The following MAP2K2 variants were observed in gnomAD, a reference collection of about 807,000 sequenced individuals.
The protein encoded by MAP2K2 is dual specificity mitogen-activated protein kinase kinase 2.
In MAP2K2, 24 loss-of-function variants were observed where a neutral mutation model predicts 43.7. The ratio of observed to expected loss-of-function variants is 0.55; its 90% CI spans 0.40 to 0.77. The LOEUF is 0.77. Among genes scored for constraint, MAP2K2 ranks in the 30% least tolerant of loss-of-function variants. The probability of loss-of-function intolerance (pLI) is 0.00; values close to 1 mark genes in which losing one functional copy is unlikely to be tolerated. For synonymous variants in MAP2K2, 244 were observed against 239.7 expected, an observed-to-expected ratio of 1.02 and a Z score of -0.17; for missense variants, 470 against 566.8, an observed-to-expected ratio of 0.83 and a Z score of 1.73.
chr19:4,102,873 G>A, intron 3 of MAP2K2: 1 of 1,179,080 alleles, frequency 8.5e-7, no homozygotes, highest in South Asian at 1.7e-5. Flanking sequence ...CAGCGTCTTG[G>A]GCCTGCGTCC....
At chr19:4,123,714 C>A in intron 1 of MAP2K2, 70 bp downstream of exon 1, 3 of 1,225,166 alleles carry the variant, frequency 2.4e-6, no homozygotes, top group Admixed American at 2.3e-5. Flanking sequence ...CCCGTCCCCT[C>A]GCCCCGTCCT....
chr19:4,099,358 GC>G lies in MAP2K2; in HGVS notation c.761del (p.Gly254AlafsTer73). 6.2e-7 allele frequency: 1 copy of G among 1,611,768 alleles called. No individual in the cohort carries two copies. Among genetic ancestry groups the G allele is most frequent in the East Asian group, 2.2e-5 (1 of 44,808 alleles). Reference sequence around the variant, plus strand: ...CGACGGCCAGCTCCACCAGGGACAGGCCCATGCTCCAGATGTCCGACTGCAC... The same window carrying G: ...CGACGGCCAGCTCCACCAGGGACAGGCCATGCTCCAGATGTCCGACTGCAC... ...YSVQSDIWSM[G>X]LSLVELAVGR... On this transcript the variant is annotated frameshift_variant, in exon 7 of 11. Transcript: ENST00000262948. LOFTEE classifies it high-confidence loss of function.
At chr19:4,096,217 G>A (rs2040915602) in intron 8 of MAP2K2, among the ~76,000 whole-genome samples, 2 of 152,212 alleles carry the variant, frequency 1.3e-5, no homozygotes, top group Non-Finnish European at 2.9e-5. Flanking sequence ...AAGAGGCGGG[G>A]GAGAGGTCGG....
At chr19:4,116,468 T>C (rs1185258683) in intron 2 of MAP2K2, among the ~76,000 whole-genome samples, 1 of 151,462 alleles carries the variant, frequency 6.6e-6, no homozygotes, top group Non-Finnish European at 1.5e-5. Flanking sequence ...AGGTAGAGGT[T>C]GCAGTGAGCC....
intron 8 of MAP2K2, among the ~76,000 whole-genome samples, chr19:4,096,139 G>A (rs960994086): frequency 2.6e-5 from 4 of 152,210 alleles, no homozygotes; most frequent in East Asian, 1.9e-4. Context: ...TCCCCGGAGC[G>A]GGAGTGGCCG....
chr19:4,094,456 G>C lies in MAP2K2; in HGVS notation c.1089C>G (p.Leu363=). Reference sequence around the variant, plus strand: ...AGAACCCGCTGGCATCACTCACTGTGAGCATCTTCAGGTCCGCCCGCTCCG... The same window carrying C: ...AGAACCCGCTGGCATCACTCACTGTCAGCATCTTCAGGTCCGCCCGCTCCG... The part of the protein sequence containing the change: ...NPAERADLKM[L]TNHTFIKRSE... The change falls in exon 10 of 11, where the codon CTC becomes CTG. Residue 363 remains leucine (L), a synonymous_variant. Transcript: ENST00000262948. 1 of 1,564,110 alleles carries C rather than the reference G, an allele frequency of 6.4e-7. No individual in the cohort carries two copies. The highest frequency in any genetic ancestry group is 8.7e-7 in the Non-Finnish European group (1 of 1,153,516).
chr19:4,110,389 C>T, intron 3 of MAP2K2, 120 bp downstream of exon 3: 2 of 1,218,046 alleles, frequency 1.6e-6, no homozygotes, highest in African/African-American at 1.5e-5. Context: ...TGAGAAGGAT[C>T]CCCTGGAAGC....
Position 4,099,452 on chromosome 19 carries a change from G to A in MAP2K2, c.706-38C>T, listed in dbSNP as rs1371330955. The A allele has an allele frequency of 1.1e-5, 17 of 1,530,830 alleles. No individual in the cohort carries two copies. The East Asian group carries it at 1.2e-4, about 11-fold the overall frequency. 94.8% of individuals were successfully genotyped at this position (1,530,830 alleles called of 1,614,324 possible). ...CAGGGAGGAAAGAGCCCAGAGGGGCGAGGATGGCAGCTGGAACCCGGGAGG... is the reference window on the plus strand; with the variant it reads ...CAGGGAGGAAAGAGCCCAGAGGGGCAAGGATGGCAGCTGGAACCCGGGAGG... On this transcript the variant is annotated intron_variant, in intron 6 of 10. Transcript: ENST00000262948.
At position 4,110,617 on chromosome 19, in the gene MAP2K2, C is replaced by A. The variant is rs1299789389; in HGVS notation, c.342G>T (p.Gln114His). The A allele has an allele frequency of 6.2e-7, 1 of 1,613,706 alleles. No individual in the cohort carries two copies. The highest frequency in any genetic ancestry group is 8.5e-7 in the Non-Finnish European group (1 of 1,180,034). The change falls in exon 3 of 11, where the codon CAG becomes CAT. Residue 114 changes from glutamine (Q) to histidine (H), a missense_variant. By Grantham distance (24) the Gln-to-His change is conservative. Transcript: ENST00000262948. ...HLEIKPAIRN[Q>H]IIRELQVLHE... ...GCAGGACCTGCAGCTCGCGGATGAT[C>A]TGGTTCCGGATGGCCGGCTTGATCT... is the stretch of plus-strand genomic sequence containing the variant.
chr19:4,115,929 C>T lies in MAP2K2; in HGVS notation c.303+1490G>A, dbSNP rs1180504143. On this transcript the variant is annotated intron_variant, in intron 2 of 10. Transcript: ENST00000262948. The surrounding 1 kb of genome is among the most constrained non-coding windows in gnomAD (Gnocchi z 4.1). ...CACTGTCCCCAAGTGGTCACATCCT[C>T]CCTGTATCCCCTGGGCACTATTCTC... is the stretch of plus-strand genomic sequence containing the variant. 6.6e-6 allele frequency among the ~76,000 whole-genome samples: 1 copy of T among 152,200 alleles called. No homozygotes were observed. Among genetic ancestry groups the T allele is most frequent in the Non-Finnish European group, 1.5e-5 (1 of 68,024 alleles).
chr19:4,098,982 GC>G (rs747759118), intron 7 of MAP2K2, among the ~76,000 whole-genome samples: 4 of 152,244 alleles, frequency 2.6e-5, no homozygotes, highest in Non-Finnish European at 5.9e-5. Flanking sequence ...AACAACAGGT[GC>G]AGCTGCCCCG....
At position 4,101,428 on chromosome 19, in the gene MAP2K2, G is replaced by T; in HGVS notation, c.529-148C>A. The stretch of plus-strand genomic sequence containing the variant: ...AGGCTGTGAGGAGCTCGCTGGGGTG[G>T]AGCAAGCGAGGCCAGAGACGAGACA... On this transcript the variant is annotated intron_variant, in intron 4 of 10. Transcript: ENST00000262948. This position sits in a 1 kb window ranked among gnomAD's most constrained non-coding sequence, Gnocchi z 6.3. 1 of 858,594 alleles carries T rather than the reference G, an allele frequency of 1.2e-6. No homozygotes were observed. 53.2% of individuals were successfully genotyped at this position (858,594 alleles called of 1,614,324 possible). A position where few individuals can be genotyped will look rare whatever the true frequency, so the allele number is the denominator to read the frequency against.
intron 3 of MAP2K2, among the ~76,000 whole-genome samples, chr19:4,105,518 C>G (rs371356055): frequency 6.6e-6 from 1 of 152,006 alleles, no homozygotes; most frequent in Non-Finnish European, 1.5e-5. Flanking sequence ...GTGATCCGCC[C>G]GCCTCGGCCT....
intron 3 of MAP2K2, among the ~76,000 whole-genome samples, chr19:4,104,400 A>C (rs952309929): frequency 1.3e-5 from 2 of 151,356 alleles, no homozygotes. Context: ...ACCCCATACC[A>C]AAATCAGCCG....
intron 1 of MAP2K2, among the ~76,000 whole-genome samples, chr19:4,120,832 A>C (rs1391144539): frequency 6.6e-6 from 1 of 152,178 alleles, no homozygotes; most frequent in East Asian, 1.9e-4. Context: ...CCCACACGGA[A>C]GAGAAATGTG....
chr19:4,101,338 C>T lies in MAP2K2; in HGVS notation c.529-58G>A, dbSNP rs1044197673. The T allele has an allele frequency of 1.2e-4, 192 of 1,536,644 alleles. 1 individual carries two copies. Among genetic ancestry groups the T allele is most frequent in the South Asian group, 5.2e-4 (44 of 83,876 alleles). On this transcript the variant is annotated intron_variant, in intron 4 of 10. Transcript: ENST00000262948. This position sits in a 1 kb window ranked among gnomAD's most constrained non-coding sequence, Gnocchi z 6.3. The stretch of plus-strand genomic sequence containing the variant: ...AGGCCACCAGGGCTTAGCTCCTGAC[C>T]GAGCCCGGGGGTCAGAGCTGAGCAG...
intron 7 of MAP2K2, among the ~76,000 whole-genome samples, chr19:4,097,705 C>A (rs874832): frequency 0.054 from 8,224 of 152,210 alleles, 739 homozygotes; most frequent in African/African-American, 0.19. Context: ...AGGACAGCCG[C>A]GTGACCTTGC....
chr19:4,110,890 G>A (rs1244157933), intron 2 of MAP2K2, among the ~76,000 whole-genome samples: 2 of 152,132 alleles, frequency 1.3e-5, no homozygotes, highest in Non-Finnish European at 2.9e-5. Context: ...AAGAACCCAG[G>A]CGTCCACCCA....
At chr19:4,120,689 A>G (rs1356507830) in intron 1 of MAP2K2, among the ~76,000 whole-genome samples, 4 of 152,170 alleles carry the variant, frequency 2.6e-5, no homozygotes, top group Non-Finnish European at 5.9e-5. Context: ...TGCATTCTGG[A>G]GTCAGCTGAC....
Sources: allele counts gnomAD v4.1 joint callset (sites outside exome capture counted in the v4.1 genomes callset), GRCh38; gene constraint gnomAD v4.1.1; non-coding constraint Gnocchi (gnomAD v3.1); transcripts MANE v1.5; gene names NCBI Gene and HGNC (gene_info 2026-07-23, HGNC 2026-07-21).